Variants in FLOT1 observed in about 807,000 individuals in gnomAD.
The protein encoded by FLOT1 is flotillin 1.
A neutral mutation model predicts 58.4 loss-of-function variants in FLOT1; 40 were observed. The observed-to-expected ratio is 0.69, with a 90% CI of 0.53 to 0.89. The LOEUF (loss-of-function observed/expected upper bound fraction) is 0.89. Ranked by LOEUF, FLOT1 falls within the 40% of genes least tolerant of loss-of-function variation. The probability of loss-of-function intolerance (pLI) is 0.00; values close to 1 mark genes in which losing one functional copy is unlikely to be tolerated. For synonymous variants in FLOT1, 178 were observed against 204.2 expected (o/e 0.87, Z 1.09); for missense variants, 423 against 540.8 (o/e 0.78, Z 2.16).
intron 8 of FLOT1, among the ~76,000 whole-genome samples, chr6:30,738,125 C>A (rs979305322): frequency 6.6e-6 from 1 of 152,188 alleles, no homozygotes; most frequent in African/African-American, 2.4e-5. Context: ...AACTCAAACT[C>A]CAATGTGCAT....
chr6:30,741,709 G>C lies in FLOT1; in HGVS notation c.120-5C>G, dbSNP rs905377887. The C allele has an allele frequency of 6.2e-7, 1 of 1,612,224 alleles. No individual in the cohort carries two copies. Among genetic ancestry groups the C allele is most frequent in the Non-Finnish European group, 8.5e-7 (1 of 1,179,422 alleles). On this transcript the variant is annotated splice_polypyrimidine_tract_variant and splice_region_variant and intron_variant, in intron 3 of 12. Coordinates refer to ENST00000376389, the MANE Select transcript of FLOT1 (RefSeq NM_005803.4). The surrounding 1 kb of genome is among the most constrained non-coding windows in gnomAD (Gnocchi z 5.9). The stretch of plus-strand genomic sequence containing the variant: ...GTCAGTGTGTTGAGAGAGATCCTAG[G>C]GGAAAAAGAAGGGACAGACAGTAAG...
chr6:30,738,211 G>T (rs1225986170), intron 8 of FLOT1, among the ~76,000 whole-genome samples: 1 of 152,234 alleles, frequency 6.6e-6, no homozygotes. Flanking sequence ...GCCAGGGCCT[G>T]CAATTTTGTA....
At chr6:30,736,477 G>C (rs1432689603) in intron 8 of FLOT1, 2 of 139,280 alleles carry the variant, frequency 1.4e-5, no homozygotes, top group Non-Finnish European at 3.1e-5. Flanking sequence ...CTGGGCGACA[G>C]AGCGAGACTC....
chr6:30,731,508 G>T, intron 8 of FLOT1, among the ~76,000 whole-genome samples: 1 of 141,992 alleles, frequency 7.0e-6, no homozygotes, highest in African/African-American at 2.8e-5. Flanking sequence ...AAAAAAAAAG[G>T]AGCAGGTGCA....
Position 30,740,296 on chromosome 6 carries a change from C to T in FLOT1, c.585G>A (p.Lys195=). ...RDAGIREAKA[K]QEKVSAQYLS... ...GGTACTGAGCAGACACCTTTTCCTG[C>T]TTGGCTTTAGCTTCCTGTCCAAGCA... The change falls in exon 8 of 13, where the codon AAG becomes AAA. Residue 195 remains lysine, a synonymous_variant. Transcript: ENST00000376389. The T allele has an allele frequency of 6.2e-7, 1 of 1,613,010 alleles. No individual in the cohort carries two copies.
At chr6:30,735,861 A>T (rs1777529977) in intron 8 of FLOT1, among the ~76,000 whole-genome samples, 1 of 152,082 alleles carries the variant, frequency 6.6e-6, no homozygotes, top group Admixed American at 6.5e-5. Flanking sequence ...TTTCAAGCTC[A>T]GCTGTGTCAT....
chr6:30,730,755 G>A (rs1353946175), intron 9 of FLOT1, 28 bp from the exon 10 acceptor site: 2 of 1,612,782 alleles, frequency 1.2e-6, no homozygotes, highest in Non-Finnish European at 8.5e-7. Flanking sequence ...GTGGAGGGTG[G>A]AGCCCAGCAG....
At chr6:30,731,192 T>C (rs977907091) in intron 8 of FLOT1, 92 bp from the exon 9 acceptor site, 2 of 1,339,278 alleles carry the variant, frequency 1.5e-6, no homozygotes, top group Admixed American at 4.5e-5. Flanking sequence ...GATATAAAAA[T>C]AGGAGCCGGT....
intron 8 of FLOT1, among the ~76,000 whole-genome samples, chr6:30,739,367 C>CTT (rs780604483): frequency 4.1e-5 from 6 of 146,894 alleles, no homozygotes; most frequent in Non-Finnish European, 4.5e-5. Context: ...TTGGCCTTCT[C>CTT]TTTTTTTTTT....
chr6:30,733,112 T>C (rs956003449), intron 8 of FLOT1, among the ~76,000 whole-genome samples: 12 of 152,172 alleles, frequency 7.9e-5, no homozygotes, highest in Non-Finnish European at 1.5e-4. Context: ...CTTGGCTCAC[T>C]GCAATCTCCA....
chr6:30,741,606 A>G lies in FLOT1; in HGVS notation c.210+8T>C. ...TGGACTGTGGGGAAAAGGCTCTGAA[A>G]GCTTCACCTGGGCAATGCCAGTGAC... On this transcript the variant is annotated splice_region_variant and intron_variant, in intron 4 of 12. Transcript: ENST00000376389. The surrounding 1 kb of genome is among the most constrained non-coding windows in gnomAD (Gnocchi z 5.9). 1 of 1,605,520 alleles carries G rather than the reference A, an allele frequency of 6.2e-7. No individual in the cohort carries two copies. Among genetic ancestry groups the G allele is most frequent in the Non-Finnish European group, 8.5e-7 (1 of 1,173,436 alleles).
At chr6:30,728,995 G>A (rs925912526) in intron 12 of FLOT1, among the ~76,000 whole-genome samples, 1 of 151,288 alleles carries the variant, frequency 6.6e-6, no homozygotes, top group Non-Finnish European at 1.5e-5. Context: ...AGCCAGGATG[G>A]TCTCAATCTC....
intron 8 of FLOT1, among the ~76,000 whole-genome samples, chr6:30,735,986 C>T (rs1777535903): frequency 1.3e-5 from 2 of 151,854 alleles, no homozygotes; most frequent in African/African-American, 2.4e-5. Context: ...CATGGTGGCT[C>T]ACGCCTGTAA....
Position 30,740,747 on chromosome 6 carries a change from A to G in FLOT1, c.406T>C (p.Ser136Pro), listed in dbSNP as rs769056175. 6.2e-7 allele frequency: 1 copy of G among 1,612,374 alleles called. No individual in the cohort carries two copies. The highest frequency in any genetic ancestry group is 2.2e-5 in the East Asian group (1 of 44,834). ...KFSEQVFKVA[S>P]SDLVNMGISV... is the part of the protein sequence containing the mutation. ...ATGCCCATGTTGACCAGGTCTGAGGAGGCCACTTTGAAAACCTGTTCTGAG... is the reference window on the plus strand; with the variant it reads ...ATGCCCATGTTGACCAGGTCTGAGGGGGCCACTTTGAAAACCTGTTCTGAG... The change falls in exon 6 of 13, where the codon TCC becomes CCC. Residue 136 changes from serine to proline, a missense_variant. Coordinates refer to ENST00000376389, the MANE Select transcript of FLOT1 (RefSeq NM_005803.4).
Position 30,741,747 on chromosome 6 carries a change from AAG to A in FLOT1, c.119+43_119+44del, listed in dbSNP as rs760982859. ...GACAGACAGTAAGAAGAGGAGGAAA[AAG>A]AGAAAACGGAGGTCCCCCTTCCCTG... On this transcript the variant is annotated intron_variant, in intron 3 of 12. Transcript: ENST00000376389. This position sits in a 1 kb window ranked among gnomAD's most constrained non-coding sequence, Gnocchi z 5.9. The A allele has an allele frequency of 3.5e-5, 57 of 1,610,444 alleles. No homozygotes were observed. Among genetic ancestry groups the A allele is most frequent in the Non-Finnish European group, 4.5e-5 (53 of 1,177,768 alleles).
rs766681940 is a variant in FLOT1, at chr6:30,740,772, G to C, written c.381C>G (p.Phe127Leu). Reference protein sequence around the residue: ...VEEIYKDRQKFSEQVFKVASS... With the variant: ...VEEIYKDRQKLSEQVFKVASS... Reference sequence around the variant, plus strand: ...AGGCCACTTTGAAAACCTGTTCTGAGAATTTCTGCCTGTCCTTATAGATCT... The same window carrying C: ...AGGCCACTTTGAAAACCTGTTCTGACAATTTCTGCCTGTCCTTATAGATCT... The change falls in exon 6 of 13, where the codon TTC becomes TTG. Residue 127 changes from phenylalanine (F) to leucine (L), a missense_variant. Phe to Leu is a conservative substitution (Grantham distance 22, BLOSUM62 0). This residue lies in a region of FLOT1 where 137 missense variants were observed against 194.6 expected (regional missense o/e 0.70). Transcript: ENST00000376389. The C allele has an allele frequency of 1.7e-5, 28 of 1,608,918 alleles. No individual in the cohort carries two copies. Among genetic ancestry groups the C allele is most frequent in the Non-Finnish European group, 2.4e-5 (28 of 1,177,896 alleles).
intron 8 of FLOT1, among the ~76,000 whole-genome samples, chr6:30,739,165 C>T (rs80126811): frequency 0.074 from 11,328 of 152,174 alleles, 689 homozygotes; most frequent in African/African-American, 0.16. Context: ...CCAGGGCTGC[C>T]GCTAGCCCAT....
In FLOT1 at chr6:30,737,889, G is replaced by T. The variant is rs1581711258; in HGVS notation, c.723+2269C>A. ...TTTATAGCCTCACCTCCAAAATGGT[G>T]TCTAGCACATAGAAGGCACTTAACA... On this transcript the variant is annotated intron_variant, in intron 8 of 12. Coordinates refer to ENST00000376389, the MANE Select transcript of FLOT1 (RefSeq NM_005803.4). This position sits in a 1 kb window ranked among gnomAD's most constrained non-coding sequence, Gnocchi z 4.4. 6.6e-6 allele frequency among the ~76,000 whole-genome samples: 1 copy of T among 152,172 alleles called. No individual in the cohort carries two copies. The highest frequency in any genetic ancestry group is 2.1e-4 in the South Asian group (1 of 4,830).
At chr6:30,731,138 C>T (rs1412742173) in intron 8 of FLOT1, 38 bp from the exon 9 acceptor site, 1 of 1,558,694 alleles carries the variant, frequency 6.4e-7, no homozygotes, top group Non-Finnish European at 8.7e-7. Flanking sequence ...CGCTCTGAGT[C>T]AGAGGTGAAG....
Sources: gnomAD v4.1 joint callset for allele counts (sites outside exome capture counted in the v4.1 genomes callset) on GRCh38, gnomAD v4.1.1 for gene constraint, gnomAD v4.1.1 regional missense constraint, Gnocchi (gnomAD v3.1) non-coding constraint, MANE v1.5 for transcripts, NCBI Gene and HGNC (gene_info 2026-07-23, HGNC 2026-07-21) for gene names.